The following CDC42SE2 variants were observed in gnomAD, a reference collection of about 807,000 sequenced individuals.
CDC42SE2 encodes CDC42 small effector protein 2.
CDC42SE2 carries 3 observed loss-of-function variants against 11.5 expected under a neutral mutation model. That is an observed-to-expected ratio of 0.26 (90% CI 0.12 to 0.67). The LOEUF is 0.67. Among genes scored for constraint, CDC42SE2 ranks in the 30% least tolerant of loss-of-function variants. The pLI is 0.80. For synonymous variants in CDC42SE2, 33 were observed against 34.8 expected (o/e 0.95, Z 0.18); for missense variants, 82 against 106.8 (o/e 0.77, Z 1.02).
chr5:131,338,043 C>T (rs186772976), intron 2 of CDC42SE2, among the ~76,000 whole-genome samples: 4 of 152,358 alleles, frequency 2.6e-5, no homozygotes, highest in African/African-American at 7.2e-5. Context: ...TCTTCTGCGT[C>T]GCTCACGCTG....
At chr5:131,351,510 T>A (rs1247221980) in intron 2 of CDC42SE2, among the ~76,000 whole-genome samples, 1 of 152,134 alleles carries the variant, frequency 6.6e-6, no homozygotes, top group Non-Finnish European at 1.5e-5. Context: ...CGCCTTGGCC[T>A]CCCAAAGTGT....
chr5:131,327,323 C>T (rs974444801), intron 2 of CDC42SE2, among the ~76,000 whole-genome samples: 6 of 152,200 alleles, frequency 3.9e-5, no homozygotes, highest in South Asian at 2.1e-4. Flanking sequence ...GACTCCCCAT[C>T]CCCAGTGAGT....
At chr5:131,302,428 C>G (rs1043740673) in intron 1 of CDC42SE2, among the ~76,000 whole-genome samples, 2 of 152,218 alleles carry the variant, frequency 1.3e-5, no homozygotes, top group African/African-American at 4.8e-5. Flanking sequence ...ATCCGCCTGC[C>G]TCGGCCTCCC....
At chr5:131,333,209 A>G (rs1054448844) in intron 2 of CDC42SE2, among the ~76,000 whole-genome samples, 16 of 152,164 alleles carry the variant, frequency 1.1e-4, no homozygotes, top group Non-Finnish European at 2.1e-4. Context: ...TGCCAGCACC[A>G]TTTATTAAAT....
At chr5:131,221,969 C>T in the CDC42SE2 span, among the ~76,000 whole-genome samples, 1 of 152,146 alleles carries the variant, frequency 6.6e-6, no homozygotes, top group Non-Finnish European at 1.5e-5. Context: ...AGTCAGAAAT[C>T]ATTTAAATAT....
chr5:131,225,704 A>G, the CDC42SE2 span, among the ~76,000 whole-genome samples: 1 of 152,174 alleles, frequency 6.6e-6, no homozygotes, highest in South Asian at 2.1e-4. Context: ...GTGACTTTGT[A>G]AGAGACAAAT....
chr5:131,333,251 C>G (rs1758465809), intron 2 of CDC42SE2, among the ~76,000 whole-genome samples: 1 of 152,148 alleles, frequency 6.6e-6, no homozygotes, highest in South Asian at 2.1e-4. Flanking sequence ...TTCTTTTTGT[C>G]AGGTTTGTCA....
intron 4 of CDC42SE2, among the ~76,000 whole-genome samples, chr5:131,389,224 C>T (rs1750578742): frequency 6.6e-6 from 1 of 152,104 alleles, no homozygotes; most frequent in Non-Finnish European, 1.5e-5. Context: ...CAGGTTTGTG[C>T]CACATAACTT....
intron 1 of CDC42SE2, among the ~76,000 whole-genome samples, chr5:131,301,774 TAAA>T (rs1051479307): frequency 5.3e-5 from 8 of 151,060 alleles, no homozygotes; most frequent in East Asian, 1.9e-4. Context: ...AAAAAAAAAT[TAAA>T]AAAGTTAAAA....
At chr5:131,363,984 C>T (rs531765210) in intron 3 of CDC42SE2, among the ~76,000 whole-genome samples, 2 of 152,286 alleles carry the variant, frequency 1.3e-5, no homozygotes, top group South Asian at 2.1e-4. Context: ...GCATGAGCCA[C>T]CACACCTGGC....
intron 1 of CDC42SE2, among the ~76,000 whole-genome samples, chr5:131,277,259 CCT>C (rs1482389234): frequency 6.6e-6 from 1 of 152,064 alleles, no homozygotes; most frequent in Non-Finnish European, 1.5e-5. Context: ...GGTGTGTAGT[CCT>C]ACCACTCAGT....
intron 2 of CDC42SE2, among the ~76,000 whole-genome samples, chr5:131,319,817 C>T (rs983808947): frequency 2.6e-5 from 4 of 151,774 alleles, no homozygotes; most frequent in South Asian, 2.1e-4. Flanking sequence ...TTTGGGAGGC[C>T]GAGGCAGGCG....
chr5:131,250,707 A>T (rs2149683060), intron 1 of CDC42SE2, among the ~76,000 whole-genome samples: 1 of 152,336 alleles, frequency 6.6e-6, no homozygotes, highest in East Asian at 1.9e-4. Flanking sequence ...TAATAAAAAG[A>T]GTGAACCCTC....
chr5:131,373,452 G>A (rs1395491501), intron 3 of CDC42SE2, among the ~76,000 whole-genome samples: 3 of 152,152 alleles, frequency 2.0e-5, no homozygotes, highest in African/African-American at 7.2e-5. Flanking sequence ...GAACTCTTCT[G>A]TCTGGACTTC....
At chr5:131,232,680 G>A in the CDC42SE2 span, among the ~76,000 whole-genome samples, 1 of 141,094 alleles carries the variant, frequency 7.1e-6, no homozygotes, top group East Asian at 2.1e-4. Context: ...GTTGCAGTGA[G>A]CCGAGATCAT....
chr5:131,272,810 C>CAT (rs1757021411), intron 1 of CDC42SE2, among the ~76,000 whole-genome samples: 3 of 152,172 alleles, frequency 2.0e-5, no homozygotes, highest in Admixed American at 1.3e-4. Context: ...CTTTTTTTCT[C>CAT]TTTCATTCTA....
At chr5:131,365,946 C>G (rs939027533) in intron 3 of CDC42SE2, among the ~76,000 whole-genome samples, 1 of 152,182 alleles carries the variant, frequency 6.6e-6, no homozygotes, top group Non-Finnish European at 1.5e-5. Context: ...TGCGCCACTG[C>G]ACTCCAGCCT....
At chr5:131,275,348 G>A (rs1435147797) in intron 1 of CDC42SE2, among the ~76,000 whole-genome samples, 2 of 151,120 alleles carry the variant, frequency 1.3e-5, no homozygotes, top group African/African-American at 2.4e-5. Context: ...CCAGGCTAGA[G>A]TGCGGTGGTG....
chr5:131,305,138 T>A (rs1373907165), intron 1 of CDC42SE2, among the ~76,000 whole-genome samples: 2 of 152,194 alleles, frequency 1.3e-5, no homozygotes, highest in African/African-American at 4.8e-5. Context: ...TTGTGTGGCT[T>A]CTTTGACTCA....
Sources: allele counts gnomAD v4.1 joint callset (sites outside exome capture counted in the v4.1 genomes callset), GRCh38; gene constraint gnomAD v4.1.1; transcripts MANE v1.5; gene names NCBI Gene and HGNC (gene_info 2026-07-23, HGNC 2026-07-21).